Variants in ADGRF5 observed in about 807,000 individuals in gnomAD.
The protein encoded by ADGRF5 is adhesion G protein-coupled receptor F5.
In ADGRF5, 75 loss-of-function variants were observed where a neutral mutation model predicts 132.3. The observed-to-expected ratio is 0.57, with a 90% CI of 0.47 to 0.69. The LOEUF is 0.69. ADGRF5 is among the 30% of genes least tolerant of loss of function. ADGRF5 has a pLI of 0.00. For missense variants in ADGRF5, 1,516 were observed against 1,630.6 expected (o/e 0.93, Z 1.21); for synonymous variants, 629 against 597.6 (o/e 1.05, Z -0.77).
At chr6:46,897,634 G>T in intron 3 of ADGRF5, among the ~76,000 whole-genome samples, 1 of 152,190 alleles carries the variant, frequency 6.6e-6, no homozygotes, top group Admixed American at 6.5e-5. Context: ...GAGTGCAGTG[G>T]TGCGATCTCA....
In ADGRF5 at chr6:46,858,043, C is replaced by G. The variant is rs538170176; in HGVS notation, c.3774+86G>C. ...GCTTCCTCTGGGCTGAAATCCTTCC[C>G]CATTCCTACTCTTGTTTGTGTTTCT... On this transcript the variant is annotated intron_variant, in intron 17 of 20. Coordinates refer to ENST00000283296, the MANE Select transcript of ADGRF5 (RefSeq NM_001098518.2). The G allele has an allele frequency of 6.2e-5, 62 of 992,082 alleles. No homozygotes were observed. In the African/African-American group the frequency reaches 7.2e-4, roughly 12 times the overall value. 61.5% of individuals were successfully genotyped at this position (992,082 alleles called of 1,614,324 possible). A position where few individuals can be genotyped will look rare whatever the true frequency, so the allele number is the denominator to read the frequency against.
chr6:46,937,577 A>T (rs1323186708), intron 1 of ADGRF5, among the ~76,000 whole-genome samples: 1 of 152,154 alleles, frequency 6.6e-6, no homozygotes, highest in Non-Finnish European at 1.5e-5. Context: ...CAATAGTACT[A>T]AACCCCATAT....
At chr6:46,947,873 G>T (rs1778358573) in intron 1 of ADGRF5, among the ~76,000 whole-genome samples, 1 of 152,212 alleles carries the variant, frequency 6.6e-6, no homozygotes, top group Non-Finnish European at 1.5e-5. Context: ...CAACAACCCA[G>T]TCCCTGCTCA....
chr6:46,879,100 T>A (rs1772154557), intron 9 of ADGRF5, among the ~76,000 whole-genome samples: 1 of 152,118 alleles, frequency 6.6e-6, no homozygotes, highest in Admixed American at 6.6e-5. Context: ...ATGTACAGTT[T>A]ATTATATATC....
chr6:46,859,439 T>C lies in ADGRF5; in HGVS notation c.2464A>G (p.Ser822Gly). 1.2e-6 allele frequency: 2 copies of C among 1,612,944 alleles called. No individual in the cohort carries two copies. The highest frequency in any genetic ancestry group is 2.2e-5 in the South Asian group (2 of 91,054). The change falls in exon 17 of 21, where the codon AGT (serine) becomes GGT (glycine). Residue 822 changes from serine (S) to glycine (G), a missense_variant. Physicochemically the swap from Ser to Gly is moderately conservative, Grantham distance 56. This residue lies in a region of ADGRF5 where 571 missense variants were observed against 701.2 expected (regional missense o/e 0.81). Transcript: ENST00000283296. Reference protein sequence around the residue: ...KVLQQQWTNQSSQLLHSVERF... With the variant: ...KVLQQQWTNQGSQLLHSVERF... ...TCCACTGAATGTAGTAGCTGTGAAC[T>C]CTGATTGGTCCATTGCTGTTGTAAA...
intron 13 of ADGRF5, among the ~76,000 whole-genome samples, chr6:46,866,583 T>G (rs1262866722): frequency 6.6e-6 from 1 of 152,156 alleles, no homozygotes; most frequent in East Asian, 1.9e-4. Context: ...TTAAAGGGAT[T>G]TTCATGGCAG....
At chr6:46,924,730 AC>A (rs1777165444), upstream of ADGRF5, among the ~76,000 whole-genome samples, 1 of 152,216 alleles carries the variant, frequency 6.6e-6, no homozygotes, top group Non-Finnish European at 1.5e-5. Flanking sequence ...AACTAGCTAT[AC>A]CATCAGTCTC....
chr6:46,854,030 G>C lies in ADGRF5; in HGVS notation c.4003C>G (p.Leu1335Val). 1 of 1,605,150 alleles carries C rather than the reference G, an allele frequency of 6.2e-7. No homozygotes were observed. Among genetic ancestry groups the C allele is most frequent in the Non-Finnish European group, 8.5e-7 (1 of 1,177,038 alleles). Reference sequence around the variant, plus strand: ...GAAGAAGCACTGGATGAGTTTTCCAGGGATGAGCTGGTTGCTTCTGGGGTG... The same window carrying C: ...GAAGAAGCACTGGATGAGTTTTCCACGGATGAGCTGGTTGCTTCTGGGGTG... ...VSTPEATSSS[L>V]ENSSSASSLL... is the part of the protein sequence containing the mutation. Residue 1335 changes from leucine to valine, a missense_variant, in exon 21 of 21, where the codon CTG (leucine) becomes GTG (valine). Leu to Val is a conservative substitution (Grantham distance 32, BLOSUM62 1). Around this residue, in one of 2 missense-constraint regions of ADGRF5, gnomAD observed 571 missense variants for 701.2 expected, o/e 0.81. Transcript: ENST00000283296.
rs376869615 is a variant in ADGRF5, at chr6:46,884,171, G to A, written c.429C>T (p.Asp143=). The change falls in exon 5 of 21, where the codon GAC becomes GAT. Residue 143 remains aspartate, a synonymous_variant. Transcript: ENST00000283296. ...CLHNLICQER[D]VFLPGHHCSC... is the part of the protein sequence containing the mutation. ...TGCAATGGTGCCCTGGGAGGAAGAC[G>A]TCACGCTCTTGACAAATGAGATTGT... is the stretch of plus-strand genomic sequence containing the variant. The A allele has an allele frequency of 1.7e-5, 27 of 1,613,872 alleles. No homozygotes were observed. The African/African-American group carries it at 2.0e-4, about 12-fold the overall frequency.
intron 1 of ADGRF5, among the ~76,000 whole-genome samples, chr6:46,942,536 C>T (rs557822207): frequency 7.7e-4 from 117 of 152,186 alleles, no homozygotes; most frequent in Non-Finnish European, 1.2e-3. Flanking sequence ...AAAAGAGAGA[C>T]GGTGCAATTT....
At chr6:46,882,357 C>T (rs1237249048) in intron 6 of ADGRF5, among the ~76,000 whole-genome samples, 3 of 151,596 alleles carry the variant, frequency 2.0e-5, no homozygotes, top group Admixed American at 6.6e-5. Context: ...GGAAAGAAAA[C>T]GTGGAGGGAG....
rs1309635007 is a variant in ADGRF5 at position 46,899,906 on chromosome 6, T to G, written c.157+123A>C. The G allele has an allele frequency of 1.7e-5, 12 of 695,496 alleles. No homozygotes were observed. In the South Asian group the frequency reaches 2.0e-4, roughly 12 times the overall value. 43.1% of individuals were successfully genotyped at this position (695,496 alleles called of 1,614,324 possible). Reference sequence around the variant, plus strand: ...TAGTAATTATTTTTGGAAATCACACTGCACTATATGACCCTGATGTGATTG... The same window carrying G: ...TAGTAATTATTTTTGGAAATCACACGGCACTATATGACCCTGATGTGATTG... On this transcript the variant is annotated intron_variant, in intron 3 of 20. Transcript: ENST00000283296.
chr6:46,910,373 T>C (rs1180609607), intron 1 of ADGRF5, among the ~76,000 whole-genome samples: 3 of 152,128 alleles, frequency 2.0e-5, no homozygotes, highest in Non-Finnish European at 2.9e-5. Context: ...CAGTGGTTAT[T>C]AATTGGTTAT....
chr6:46,895,807 A>G (rs1339213828), intron 3 of ADGRF5, among the ~76,000 whole-genome samples: 1 of 151,802 alleles, frequency 6.6e-6, no homozygotes, highest in Non-Finnish European at 1.5e-5. Context: ...AATAAGAAAC[A>G]TCCACTTTCA....
intron 1 of ADGRF5, among the ~76,000 whole-genome samples, chr6:46,928,145 A>G (rs1777349645): frequency 6.6e-6 from 1 of 152,194 alleles, no homozygotes; most frequent in African/African-American, 2.4e-5. Context: ...CCTGCTGTGA[A>G]TCCTGGTCTA....
chr6:46,853,902 A>C lies in ADGRF5; in HGVS notation c.*90T>G, dbSNP rs1314243479. 2.3e-6 allele frequency: 2 copies of C among 878,498 alleles called. No individual in the cohort carries two copies. The highest frequency in any genetic ancestry group is 1.8e-5 in the African/African-American group (1 of 56,806). 54.4% of individuals were successfully genotyped at this position (878,498 alleles called of 1,614,324 possible). ...CATCTGCTCCCGGAAACCTGCCCCGAGAACACGTTCCCCATTGCTTTGCAA... is the reference window on the plus strand; with the variant it reads ...CATCTGCTCCCGGAAACCTGCCCCGCGAACACGTTCCCCATTGCTTTGCAA... On this transcript the variant is annotated 3_prime_UTR_variant, in exon 21 of 21. Transcript: ENST00000283296.
intron 3 of ADGRF5, among the ~76,000 whole-genome samples, chr6:46,890,496 T>A (rs1387768263): frequency 1.3e-5 from 2 of 150,814 alleles, no homozygotes; most frequent in African/African-American, 4.9e-5. Context: ...GGCGGGCAGA[T>A]CACTTGAGGT....
intron 3 of ADGRF5, among the ~76,000 whole-genome samples, chr6:46,892,163 C>T (rs1397048760): frequency 3.8e-3 from 6 of 1,586 alleles, no homozygotes; most frequent in African/African-American, 6.9e-3. Context: ...AATACACACA[C>T]ACACACACAC....
chr6:46,864,475 C>T (rs1231292767), intron 14 of ADGRF5, among the ~76,000 whole-genome samples: 1 of 152,108 alleles, frequency 6.6e-6, no homozygotes, highest in African/African-American at 2.4e-5. Context: ...TTTAGCAGAG[C>T]TAAGCCACCC....
Sources: gnomAD v4.1 joint callset for allele counts (sites outside exome capture counted in the v4.1 genomes callset) on GRCh38, gnomAD v4.1.1 for gene constraint, gnomAD v4.1.1 regional missense constraint, MANE v1.5 for transcripts, NCBI Gene and HGNC (gene_info 2026-07-23, HGNC 2026-07-21) for gene names.